The following BRINP3 variants were observed in gnomAD, a reference collection of about 807,000 sequenced individuals.
BRINP3 encodes the protein BMP/retinoic acid inducible neural specific 3.
In BRINP3, 19 loss-of-function variants were observed where a neutral mutation model predicts 71.0. That is an observed-to-expected ratio of 0.27 (90% confidence interval 0.19 to 0.39). The LOEUF is 0.39. Ranked by LOEUF, BRINP3 falls within the 10% of genes least tolerant of loss-of-function variation. The pLI is 1.00. For synonymous variants in BRINP3, 380 were observed against 337.7 expected (o/e 1.13, Z -1.37); for missense variants, 959 against 940.8 (o/e 1.02, Z -0.25).
rs116140362 is a variant in BRINP3, at chr1:190,446,530, G to A, written c.236+8125C>T. Among the ~76,000 whole-genome samples, 575 of 152,160 alleles carry A rather than the reference G, an allele frequency of 3.8e-3. 2 individuals carry two copies. Among genetic ancestry groups the A allele is most frequent in the African/African-American group, 0.012 (502 of 41,554 alleles). ...CAAATAAAAGTATAAGCGATTCTTA[G>A]ATATTATTTATGAAGAAGTAATTGT... On this transcript the variant is annotated intron_variant, in intron 2 of 7. Coordinates refer to ENST00000367462, the MANE Select transcript of BRINP3 (RefSeq NM_199051.3).
intron 2 of BRINP3, among the ~76,000 whole-genome samples, chr1:190,415,593 T>TAA (rs1672958472): frequency 6.6e-6 from 1 of 152,112 alleles, no homozygotes; most frequent in Non-Finnish European, 1.5e-5. Flanking sequence ...AATCTAGATA[T>TAA]AATATAATTC....
chr1:190,195,095 G>A (rs955984313), intron 6 of BRINP3, among the ~76,000 whole-genome samples: 4 of 151,646 alleles, frequency 2.6e-5, no homozygotes, highest in African/African-American at 7.3e-5. Context: ...CTATGATATC[G>A]AATGCATCAC....
At chr1:190,437,347 T>G (rs1209491113) in intron 2 of BRINP3, among the ~76,000 whole-genome samples, 1 of 151,758 alleles carries the variant, frequency 6.6e-6, no homozygotes, top group Non-Finnish European at 1.5e-5. Flanking sequence ...ATTAACATCT[T>G]AAACGACATA....
intron 6 of BRINP3, among the ~76,000 whole-genome samples, chr1:190,208,916 T>C (rs758344843): frequency 1.3e-5 from 2 of 152,130 alleles, no homozygotes; most frequent in Non-Finnish European, 2.9e-5. Context: ...AAAAATACAA[T>C]CATAACATTA....
At chr1:190,127,486 TTTC>T (rs1404375629) in intron 7 of BRINP3, among the ~76,000 whole-genome samples, 2 of 151,866 alleles carry the variant, frequency 1.3e-5, no homozygotes, top group South Asian at 2.1e-4. Flanking sequence ...CATCCTGTCT[TTTC>T]TTCTTTTTAC....
chr1:190,381,268 CCAAAA>C (rs199595359), intron 2 of BRINP3, among the ~76,000 whole-genome samples: 1 of 143,006 alleles, frequency 7.0e-6, no homozygotes, highest in Admixed American at 6.8e-5. Context: ...TTTCCCTCCA[CCAAAA>C]CAAAACAAAA....
chr1:190,398,509 T>G (rs565836445), intron 2 of BRINP3, among the ~76,000 whole-genome samples: 1 of 151,990 alleles, frequency 6.6e-6, no homozygotes, highest in Non-Finnish European at 1.5e-5. Flanking sequence ...ATACGCATTC[T>G]ATAGGTCTGT....
chr1:190,395,077 A>T (rs892850183), intron 2 of BRINP3, among the ~76,000 whole-genome samples: 2 of 151,788 alleles, frequency 1.3e-5, no homozygotes, highest in African/African-American at 2.4e-5. Context: ...TATCTTGTGT[A>T]TCAATGGCTT....
intron 2 of BRINP3, among the ~76,000 whole-genome samples, chr1:190,401,626 GA>G (rs1671935640): frequency 6.6e-6 from 1 of 151,980 alleles, no homozygotes; most frequent in Non-Finnish European, 1.5e-5. Flanking sequence ...CATGTGGGAT[GA>G]ACAAGATCTC....
chr1:190,275,009 A>C (rs1417642916), intron 3 of BRINP3, among the ~76,000 whole-genome samples: 1 of 151,578 alleles, frequency 6.6e-6, no homozygotes, highest in Admixed American at 6.6e-5. Context: ...ATGTTTTGCA[A>C]AGTATCCCAA....
At chr1:190,432,465 T>C (rs1273322918) in intron 2 of BRINP3, among the ~76,000 whole-genome samples, 4 of 152,312 alleles carry the variant, frequency 2.6e-5, no homozygotes, top group African/African-American at 9.6e-5. Flanking sequence ...GTGAAATCCA[T>C]GATTTTAAAT....
intron 2 of BRINP3, among the ~76,000 whole-genome samples, chr1:190,400,212 G>A (rs1402104688): frequency 2.0e-5 from 3 of 152,120 alleles, no homozygotes; most frequent in Non-Finnish European, 4.4e-5. Flanking sequence ...CTGGAGGTCT[G>A]TCATACATTG....
At chr1:190,347,990 A>T (rs1170485426) in intron 2 of BRINP3, among the ~76,000 whole-genome samples, 2 of 152,160 alleles carry the variant, frequency 1.3e-5, no homozygotes, top group African/African-American at 2.4e-5. Context: ...AAGTTGAAAC[A>T]GCAATATTTT....
chr1:190,435,170 T>C (rs1572037301), intron 2 of BRINP3, among the ~76,000 whole-genome samples: 1 of 152,184 alleles, frequency 6.6e-6, no homozygotes, highest in Non-Finnish European at 1.5e-5. Flanking sequence ...AAGTTATCAA[T>C]AATGCATTAA....
intron 2 of BRINP3, among the ~76,000 whole-genome samples, chr1:190,285,591 G>C (rs974528813): frequency 6.6e-6 from 1 of 151,956 alleles, no homozygotes; most frequent in African/African-American, 2.4e-5. Flanking sequence ...GGGATTATTT[G>C]ATTTGCTTAT....
intron 2 of BRINP3, among the ~76,000 whole-genome samples, chr1:190,342,016 T>G (rs1421736029): frequency 2.0e-5 from 3 of 150,630 alleles, no homozygotes; most frequent in South Asian, 2.1e-4. Context: ...TTTCTGTGTT[T>G]TTTTTTTTGC....
chr1:190,239,539 T>C (rs1465531548), intron 4 of BRINP3, among the ~76,000 whole-genome samples: 2 of 152,098 alleles, frequency 1.3e-5, no homozygotes, highest in Non-Finnish European at 2.9e-5. Flanking sequence ...GATAAATACT[T>C]ATGTTCTAGA....
chr1:190,205,564 C>T (rs1277696437), intron 6 of BRINP3, among the ~76,000 whole-genome samples: 1 of 152,044 alleles, frequency 6.6e-6, no homozygotes, highest in African/African-American at 2.4e-5. Context: ...CAGAAGCAGA[C>T]TACACTCATC....
At chr1:190,413,362 C>T (rs2102419521) in intron 2 of BRINP3, among the ~76,000 whole-genome samples, 1 of 152,166 alleles carries the variant, frequency 6.6e-6, no homozygotes, top group East Asian at 1.9e-4. Context: ...AAAGGCTGCT[C>T]AATGATATCA....
Sources: gnomAD v4.1 joint callset for allele counts (sites outside exome capture counted in the v4.1 genomes callset) on GRCh38, gnomAD v4.1.1 for gene constraint, MANE v1.5 for transcripts, NCBI Gene and HGNC (gene_info 2026-07-23, HGNC 2026-07-21) for gene names.